TRAPPC9: variants seen among roughly 807,000 people sequenced by gnomAD.
TRAPPC9 encodes trafficking protein particle complex subunit 9.
In TRAPPC9, 83 loss-of-function variants were observed where a neutral mutation model predicts 124.0. The observed-to-expected ratio is 0.67, with a 90% CI of 0.56 to 0.80. The LOEUF is 0.80. Among genes scored for constraint, TRAPPC9 ranks in the 30% least tolerant of loss-of-function variants. The pLI is 0.00. For missense variants in TRAPPC9, 1,302 were observed against 1,508.3 expected (o/e 0.86, Z 2.27); for synonymous variants, 638 against 617.5 (o/e 1.03, Z -0.49).
intron 17 of TRAPPC9, among the ~76,000 whole-genome samples, chr8:140,080,699 C>T (rs545057152): frequency 6.6e-6 from 1 of 152,318 alleles, no homozygotes; most frequent in East Asian, 1.9e-4. Flanking sequence ...CACTGCCATG[C>T]TGGCAGTTAA....
At chr8:140,288,738 A>C (rs1361058902) in intron 12 of TRAPPC9, among the ~76,000 whole-genome samples, 1 of 152,238 alleles carries the variant, frequency 6.6e-6, no homozygotes, top group East Asian at 1.9e-4. Context: ...GTTTAGCAAT[A>C]AGCAATTGGG....
chr8:140,167,303 C>T (rs11166956), intron 17 of TRAPPC9, among the ~76,000 whole-genome samples: 25,067 of 152,040 alleles, frequency 0.16, 2,531 homozygotes, highest in Admixed American at 0.24. Context: ...AATGGTTGTG[C>T]CACAGATTTT....
intron 8 of TRAPPC9, among the ~76,000 whole-genome samples, chr8:140,362,125 T>G (rs1051289432): frequency 7.9e-5 from 12 of 152,208 alleles, no homozygotes; most frequent in African/African-American, 2.4e-4. Context: ...TGTAATCTCA[T>G]GTCTTTGTTT....
chr8:139,775,639 T>C (rs777893435), intron 21 of TRAPPC9, among the ~76,000 whole-genome samples: 1 of 152,160 alleles, frequency 6.6e-6, no homozygotes, highest in East Asian at 1.9e-4. Context: ...CCCATAGATA[T>C]GGCCTGGCCT....
chr8:139,768,871 G>A (rs1820760611), intron 21 of TRAPPC9, among the ~76,000 whole-genome samples: 1 of 152,150 alleles, frequency 6.6e-6, no homozygotes, highest in African/African-American at 2.4e-5. Context: ...GACATACAAA[G>A]TAAAATGAGG....
intron 17 of TRAPPC9, among the ~76,000 whole-genome samples, chr8:140,090,879 A>G (rs1198530343): frequency 6.6e-6 from 1 of 152,204 alleles, no homozygotes; most frequent in African/African-American, 2.4e-5. Flanking sequence ...TCTAGGCCAT[A>G]TTAATGGGCT....
chr8:139,761,856 T>C (rs953521604), intron 21 of TRAPPC9, among the ~76,000 whole-genome samples: 4 of 151,694 alleles, frequency 2.6e-5, no homozygotes, highest in Non-Finnish European at 5.9e-5. Flanking sequence ...CACGCCTGGC[T>C]GCCTGCACGT....
chr8:140,138,234 G>A (rs769532478), intron 17 of TRAPPC9, among the ~76,000 whole-genome samples: 11 of 152,152 alleles, frequency 7.2e-5, no homozygotes, highest in Non-Finnish European at 1.5e-4. Flanking sequence ...TCTGGGAGGC[G>A]GAGGTTGCAG....
At position 139,846,776 on chromosome 8, in the gene TRAPPC9, G is replaced by A. The variant is rs1393121144; in HGVS notation, c.3055+39103C>T. Among the ~76,000 whole-genome samples the A allele has an allele frequency of 3.3e-5, 5 of 152,292 alleles. No homozygotes were observed. In the East Asian group the frequency reaches 9.7e-4, roughly 29 times the overall value. ...CCCTCATCCAGTCCCTGCTGTGCTGGGGCTGTGCCCAGCAGGCCACCCACC... is the reference window on the plus strand; with the variant it reads ...CCCTCATCCAGTCCCTGCTGTGCTGAGGCTGTGCCCAGCAGGCCACCCACC... On this transcript the variant is annotated intron_variant, in intron 21 of 22. Transcript: ENST00000438773.
chr8:139,773,809 C>A (rs1004122440), intron 21 of TRAPPC9, among the ~76,000 whole-genome samples: 1 of 152,232 alleles, frequency 6.6e-6, no homozygotes, highest in Non-Finnish European at 1.5e-5. Context: ...ACTCTCAATT[C>A]AGCTCTTCCT....
chr8:140,172,303 CATG>C (rs1416376726), intron 17 of TRAPPC9, among the ~76,000 whole-genome samples: 1 of 151,954 alleles, frequency 6.6e-6, no homozygotes, highest in Non-Finnish European at 1.5e-5. Context: ...GAAAAAGGAC[CATG>C]ATGTCAGTTT....
intron 4 of TRAPPC9, among the ~76,000 whole-genome samples, chr8:140,432,859 A>G (rs1390026461): frequency 6.6e-6 from 1 of 151,802 alleles, no homozygotes; most frequent in Non-Finnish European, 1.5e-5. Flanking sequence ...GCAACAGAGC[A>G]AGACTCTGTA....
At chr8:139,982,028 C>T (rs1836936135) in intron 19 of TRAPPC9, among the ~76,000 whole-genome samples, 1 of 152,154 alleles carries the variant, frequency 6.6e-6, no homozygotes, top group South Asian at 2.1e-4. Context: ...TATTATCATA[C>T]ATTATAAAGA....
chr8:140,015,842 T>A (rs1839431024), intron 18 of TRAPPC9, among the ~76,000 whole-genome samples: 1 of 152,168 alleles, frequency 6.6e-6, no homozygotes, highest in African/African-American at 2.4e-5. Flanking sequence ...ATCCCTTTTA[T>A]ACAAAAGAAA....
chr8:140,070,020 G>A (rs1163496203), intron 17 of TRAPPC9, among the ~76,000 whole-genome samples: 1 of 152,136 alleles, frequency 6.6e-6, no homozygotes, highest in Non-Finnish European at 1.5e-5. Context: ...CTAATGGATG[G>A]TGCCACCCAC....
intron 19 of TRAPPC9, among the ~76,000 whole-genome samples, chr8:139,961,385 A>G (rs911045636): frequency 8.1e-6 from 1 of 123,750 alleles, no homozygotes; most frequent in African/African-American, 2.6e-5. Context: ...TTGGAGTGGG[A>G]GCACCTGGGG....
At chr8:139,865,980 G>C (rs1248029819) in intron 21 of TRAPPC9, among the ~76,000 whole-genome samples, 1 of 151,472 alleles carries the variant, frequency 6.6e-6, no homozygotes, top group Non-Finnish European at 1.5e-5. Flanking sequence ...CATCGGTTCG[G>C]TCCAAAAAGG....
At chr8:140,081,158 T>G (rs921215282) in intron 17 of TRAPPC9, among the ~76,000 whole-genome samples, 2 of 152,066 alleles carry the variant, frequency 1.3e-5, no homozygotes, top group Admixed American at 6.5e-5. Flanking sequence ...AAGCCTGCCC[T>G]CCTTCCTCAG....
chr8:140,115,410 GT>G (rs938426588), intron 17 of TRAPPC9, among the ~76,000 whole-genome samples: 2 of 152,012 alleles, frequency 1.3e-5, no homozygotes, highest in Non-Finnish European at 2.9e-5. Context: ...GGGATTACAG[GT>G]TCCTGACACC....
Sources: allele counts gnomAD v4.1 joint callset (sites outside exome capture counted in the v4.1 genomes callset), GRCh38; gene constraint gnomAD v4.1.1; transcripts MANE v1.5; gene names NCBI Gene and HGNC (gene_info 2026-07-23, HGNC 2026-07-21).